The following DAB1 variants were observed in gnomAD, a reference collection of about 807,000 sequenced individuals.
DAB1 encodes disabled homolog 1.
A neutral mutation model predicts 64.6 loss-of-function variants in DAB1; 15 were observed. The observed-to-expected ratio is 0.23, with a 90% CI of 0.16 to 0.36. The LOEUF (loss-of-function observed/expected upper bound fraction) is 0.36, where lower values mean the gene tolerates loss of function less well. Among genes scored for constraint, DAB1 ranks in the 10% least tolerant of loss-of-function variants. The pLI, the probability that DAB1 is intolerant of heterozygous loss-of-function variation, is 1.00. For missense variants in DAB1, 596 were observed against 706.7 expected (o/e 0.84, Z 1.78); for synonymous variants, 235 against 251.9 (o/e 0.93, Z 0.64).
At chr1:57,096,520 A>T (rs901407433) in intron 4 of DAB1, among the ~76,000 whole-genome samples, 1 of 152,138 alleles carries the variant, frequency 6.6e-6, no homozygotes, top group Non-Finnish European at 1.5e-5. Flanking sequence ...TCTGCTCTGC[A>T]TCCCCATCTT....
chr1:57,336,639 T>C (rs932290256), intron 1 of DAB1, among the ~76,000 whole-genome samples: 1 of 152,156 alleles, frequency 6.6e-6, no homozygotes, highest in Non-Finnish European at 1.5e-5. Context: ...CATGCAGGAT[T>C]TAAGTAATTT....
intron 3 of DAB1, among the ~76,000 whole-genome samples, chr1:58,488,318 T>TTGTA (rs1230497091): frequency 1.3e-5 from 2 of 152,164 alleles, no homozygotes; most frequent in African/African-American, 2.4e-5. Context: ...CATAACTTTG[T>TTGTA]TTTATTTATT....
At chr1:58,096,491 C>T (rs370029663) in intron 5 of DAB1, among the ~76,000 whole-genome samples, 21 of 152,074 alleles carry the variant, frequency 1.4e-4, no homozygotes, top group Admixed American at 3.9e-4. Context: ...TGTGTGTGTG[C>T]GCTTATTTAC....
chr1:58,117,763 T>G (rs1652427648), intron 5 of DAB1, among the ~76,000 whole-genome samples: 2 of 151,710 alleles, frequency 1.3e-5, no homozygotes, highest in African/African-American at 2.4e-5. Flanking sequence ...AGATATGAAT[T>G]GAGTCAATAA....
At chr1:57,683,104 A>T (rs1262379668) in intron 6 of DAB1, among the ~76,000 whole-genome samples, 1 of 152,180 alleles carries the variant, frequency 6.6e-6, no homozygotes, top group African/African-American at 2.4e-5. Context: ...CCAGCTTAAG[A>T]GTGCCAAGCC....
At position 58,485,654 on chromosome 1, in the gene DAB1, G is replaced by A. The variant is rs577844372; in HGVS notation, n.257+20406C>T. On this transcript the variant is annotated intron_variant and non_coding_transcript_variant, in intron 3 of 20. Transcript: ENST00000485760. The stretch of plus-strand genomic sequence containing the variant: ...ATTTTATATATTTCAGGGCGCCAAT[G>A]TCTTTTTATTTTTATAAATTCTAAT... 8.6e-5 allele frequency among the ~76,000 whole-genome samples: 13 copies of A among 151,850 alleles called. No homozygotes were observed. In the South Asian group the frequency reaches 2.7e-3, roughly 32 times the overall value.
chr1:57,054,801 A>C (rs1016115245), intron 9 of DAB1, among the ~76,000 whole-genome samples: 1 of 152,156 alleles, frequency 6.6e-6, no homozygotes, highest in Non-Finnish European at 1.5e-5. Flanking sequence ...TTTAACAGTC[A>C]CAAAAAAGTC....
At chr1:57,966,069 T>C (rs1645657691) in intron 5 of DAB1, among the ~76,000 whole-genome samples, 1 of 152,166 alleles carries the variant, frequency 6.6e-6, no homozygotes. Context: ...CACAAATGGA[T>C]TAGTATTATA....
upstream of DAB1, among the ~76,000 whole-genome samples, chr1:57,888,612 T>C (rs1644261149): frequency 6.6e-6 from 1 of 152,214 alleles, no homozygotes; most frequent in South Asian, 2.1e-4. Flanking sequence ...TGTTCTTCTC[T>C]ACCTTGATGA....
At chr1:58,288,763 C>T (rs1190188910) in intron 4 of DAB1, among the ~76,000 whole-genome samples, 2 of 152,144 alleles carry the variant, frequency 1.3e-5, no homozygotes, top group African/African-American at 4.8e-5. Context: ...CAGTTACATT[C>T]TAGTGAAACA....
At chr1:57,898,445 T>C (rs1450696201) in intron 5 of DAB1, among the ~76,000 whole-genome samples, 1 of 152,166 alleles carries the variant, frequency 6.6e-6, no homozygotes, top group African/African-American at 2.4e-5. Context: ...CTAGTCAACA[T>C]TTTTAGTTGA....
At chr1:57,573,372 A>C (rs1645214500) in intron 7 of DAB1, among the ~76,000 whole-genome samples, 1 of 152,198 alleles carries the variant, frequency 6.6e-6, no homozygotes, top group Middle Eastern at 3.2e-3. Flanking sequence ...GATTACAGGC[A>C]TGAGCCACCA....
intron 4 of DAB1, among the ~76,000 whole-genome samples, chr1:58,289,847 C>T (rs547971214): frequency 6.6e-6 from 1 of 152,240 alleles, no homozygotes; most frequent in Non-Finnish European, 1.5e-5. Flanking sequence ...GATATAAATC[C>T]ATCCTACCCA....
chr1:57,963,422 G>A (rs1010664483), intron 5 of DAB1, among the ~76,000 whole-genome samples: 1 of 152,142 alleles, frequency 6.6e-6, no homozygotes, highest in Non-Finnish European at 1.5e-5. Flanking sequence ...CTAGATCATT[G>A]CATTTACCAA....
intron 2 of DAB1, among the ~76,000 whole-genome samples, chr1:57,181,260 AC>A (rs1426962929): frequency 6.6e-6 from 1 of 152,204 alleles, no homozygotes; most frequent in East Asian, 1.9e-4. Context: ...TAGAGTCTCT[AC>A]AGAAGAAAGG....
intron 5 of DAB1, among the ~76,000 whole-genome samples, chr1:58,055,212 C>A (rs1443321291): frequency 6.6e-6 from 1 of 152,222 alleles, no homozygotes; most frequent in Non-Finnish European, 1.5e-5. Context: ...ATCTGCAGAT[C>A]TGGCTCCTGT....
intron 7 of DAB1, among the ~76,000 whole-genome samples, chr1:57,607,946 A>G (rs1645677032): frequency 6.6e-6 from 1 of 152,212 alleles, no homozygotes; most frequent in African/African-American, 2.4e-5. Context: ...AGGGGTCAGC[A>G]TTCAGATTTG....
At chr1:57,877,384 C>T (rs1432939394) in intron 1 of DAB1, among the ~76,000 whole-genome samples, 1 of 152,110 alleles carries the variant, frequency 6.6e-6, no homozygotes, top group Non-Finnish European at 1.5e-5. Context: ...CCCCACCCTG[C>T]AGCTCCCTCT....
At chr1:58,248,243 G>C (rs564882919) in intron 4 of DAB1, among the ~76,000 whole-genome samples, 1 of 152,216 alleles carries the variant, frequency 6.6e-6, no homozygotes, top group Non-Finnish European at 1.5e-5. Context: ...AAGCCCTGGC[G>C]AGCCCCCATT....
Sources: allele counts gnomAD v4.1 joint callset (sites outside exome capture counted in the v4.1 genomes callset), GRCh38; gene constraint gnomAD v4.1.1; transcripts MANE v1.5; gene names NCBI Gene and HGNC (gene_info 2026-07-23, HGNC 2026-07-21).